Variants in KANTR observed in about 807,000 individuals in gnomAD.
The protein encoded by KANTR is KANTR integral membrane protein.
At chrX:53,138,985 T>C (rs1933463119) in intron 2 of KANTR, among the ~76,000 whole-genome samples, 1 of 110,001 alleles carries the variant, frequency 9.1e-6, no homozygotes, top group Non-Finnish European at 1.9e-5. Flanking sequence ...GAGGTTGTGG[T>C]GGGCGGATCA....
intron 2 of KANTR, among the ~76,000 whole-genome samples, chrX:53,108,187 C>T (rs1185439908): frequency 9.4e-6 from 1 of 105,940 alleles, no homozygotes; most frequent in Non-Finnish European, 1.9e-5. Context: ...CCGTGCCTGG[C>T]CTTCAAATTT....
intron 2 of KANTR, among the ~76,000 whole-genome samples, chrX:53,137,701 G>A (rs1469683188): frequency 1.3e-4 from 14 of 109,862 alleles, no homozygotes; most frequent in Non-Finnish European, 1.7e-4. Context: ...CCCTGGAGGC[G>A]GAGGTTGCGG....
downstream of KANTR, among the ~76,000 whole-genome samples, chrX:53,130,765 C>G (rs1225654931): frequency 1.8e-5 from 2 of 111,473 alleles, no homozygotes; most frequent in Non-Finnish European, 3.8e-5. Flanking sequence ...ATATCCTGCC[C>G]TGTGTGTTCC....
At position 53,098,365 on chromosome X, in the gene KANTR, G is replaced by C. The variant is rs6638432; in HGVS notation, c.-941-1107G>C. On this transcript the variant is annotated intron_variant, in intron 1 of 2. Transcript: ENST00000604062. ...AGTTGTAATTTTTTGCTGGTGGAGGGTCTTACCTCGATGTTGATGGTTGCT... is the reference window on the plus strand; with the variant it reads ...AGTTGTAATTTTTTGCTGGTGGAGGCTCTTACCTCGATGTTGATGGTTGCT... Among the ~76,000 whole-genome samples the C allele has an allele frequency of 5.0e-3, 561 of 112,128 alleles. 4 individuals carry two copies. The highest frequency in any genetic ancestry group is 0.018 in the African/African-American group (544 of 30,912).
chrX:53,143,963 G>T, downstream of KANTR: 1 of 290,965 alleles, frequency 3.4e-6, no homozygotes, highest in South Asian at 5.1e-5. Context: ...GACACGGTGT[G>T]GGGGCTGGTG....
chrX:53,104,690 G>T (rs1266263332), intron 2 of KANTR, among the ~76,000 whole-genome samples: 1 of 110,883 alleles, frequency 9.0e-6, no homozygotes, highest in East Asian at 2.8e-4. Flanking sequence ...GGCTTCTTTC[G>T]CTGAGCATAA....
At chrX:53,114,413 A>G (rs1556814273) in intron 2 of KANTR, among the ~76,000 whole-genome samples, 2 of 112,365 alleles carry the variant, frequency 1.8e-5, no homozygotes, top group African/African-American at 6.5e-5. Flanking sequence ...GTGAAAACTC[A>G]TTCTAGTCTT....
At chrX:53,102,316 T>A (rs1932901679) in intron 2 of KANTR, among the ~76,000 whole-genome samples, 1 of 112,271 alleles carries the variant, frequency 8.9e-6, no homozygotes, top group Non-Finnish European at 1.9e-5. Context: ...AGGATTCAGT[T>A]CAGGCTCCCA....
At chrX:53,137,392 C>A (rs1556817814) in intron 2 of KANTR, among the ~76,000 whole-genome samples, 1 of 111,520 alleles carries the variant, frequency 9.0e-6, no homozygotes, top group Non-Finnish European at 1.9e-5. Context: ...TTTTTTAATT[C>A]ATTGGCATGT....
intron 2 of KANTR, 49 bp from the exon 3 acceptor site, chrX:53,123,420 C>T (rs1473177814): frequency 2.7e-5 from 3 of 111,603 alleles, no homozygotes; most frequent in African/African-American, 9.8e-5. Context: ...TCCAGTTGAA[C>T]GCTTTCATAT....
chrX:53,099,762 G>A (rs1255069179), intron 2 of KANTR, among the ~76,000 whole-genome samples, 154 bp downstream of exon 2: 1 of 112,175 alleles, frequency 8.9e-6, no homozygotes, highest in Non-Finnish European at 1.9e-5. Context: ...CAGAATGGAT[G>A]TTGTGTTAGC....
chrX:53,099,595 T>C lies in KANTR; in HGVS notation c.-818T>C, dbSNP rs1932873058. On this transcript the variant is annotated 5_prime_UTR_variant, in exon 2 of 3. An upstream start codon of the reference 5' UTR is lost. Transcript: ENST00000604062. ...TTCCATGAATCACAAATGTTCTTAA[T>C]GGCATCTAGAATGGTGAGTCCTTTC... 2 of 112,100 alleles carry C rather than the reference T, an allele frequency of 1.8e-5. No homozygotes were observed. Among genetic ancestry groups the C allele is most frequent in the African/African-American group, 6.5e-5 (2 of 30,829 alleles). The allele number at this position is 112,100 out of a possible 1,213,427, so 9.2% of individuals were successfully genotyped here.
chrX:53,099,980 G>C (rs1556811534), intron 2 of KANTR, among the ~76,000 whole-genome samples: 1 of 112,106 alleles, frequency 8.9e-6, no homozygotes, highest in Non-Finnish European at 1.9e-5. Context: ...AGAGCACAGA[G>C]TATATTTAGC....
chrX:53,145,469 A>G (rs186932018), downstream of KANTR, among the ~76,000 whole-genome samples: 161 of 112,168 alleles, frequency 1.4e-3, 1 homozygote, highest in Admixed American at 9.8e-3. Flanking sequence ...GGCACCCGCC[A>G]TTGCTGAGGC....
chrX:53,119,892 A>G (rs1556815234), intron 2 of KANTR, among the ~76,000 whole-genome samples: 1 of 108,588 alleles, frequency 9.2e-6, no homozygotes, highest in African/African-American at 3.4e-5. Context: ...TAATTTTTGT[A>G]TTTTTTGTAG....
At chrX:53,098,471 G>A (rs927787125) in intron 1 of KANTR, among the ~76,000 whole-genome samples, 1 of 111,286 alleles carries the variant, frequency 9.0e-6, no homozygotes, top group African/African-American at 3.3e-5. Context: ...TTGGCACGTC[G>A]ACTCTTCCTT....
chrX:53,099,152 C>G (rs1370010798), intron 1 of KANTR, among the ~76,000 whole-genome samples: 1 of 111,428 alleles, frequency 9.0e-6, no homozygotes, highest in East Asian at 2.8e-4. Flanking sequence ...GGGTGAATTG[C>G]CTAAGGTCAG....
intron 2 of KANTR, among the ~76,000 whole-genome samples, chrX:53,102,983 T>C (rs1407612061): frequency 1.5e-5 from 1 of 68,577 alleles, no homozygotes; most frequent in African/African-American, 4.7e-5. Flanking sequence ...TTGTTTTGTT[T>C]GTTTTTTTTT....
At chrX:53,098,717 C>G (rs1556811329) in intron 1 of KANTR, among the ~76,000 whole-genome samples, 1 of 111,266 alleles carries the variant, frequency 9.0e-6, no homozygotes, top group Non-Finnish European at 1.9e-5. Context: ...AACTCCTCAT[C>G]CACTAACTTT....
Sources: gnomAD v4.1 joint callset for allele counts (sites outside exome capture counted in the v4.1 genomes callset) on GRCh38, gnomAD v4.1.1 for gene constraint, MANE v1.5 for transcripts, NCBI Gene and HGNC (gene_info 2026-07-23, HGNC 2026-07-21) for gene names.